Variants in BTNL2 observed in about 807,000 individuals in gnomAD.
The protein encoded by BTNL2 is butyrophilin-like protein 2.
A neutral mutation model predicts 46.8 loss-of-function variants in BTNL2; 46 were observed. The ratio of observed to expected loss-of-function variants is 0.98; its 90% CI spans 0.78 to 1.26. The LOEUF (loss-of-function observed/expected upper bound fraction) is 1.26, where lower values mean the gene tolerates loss of function less well. Among genes scored for constraint, BTNL2 ranks in the 50% most tolerant of loss-of-function variants. The probability of loss-of-function intolerance (pLI) is 0.00; values close to 1 mark genes in which losing one functional copy is unlikely to be tolerated. For synonymous variants in BTNL2, 226 were observed against 229.1 expected (o/e 0.99, Z 0.12); for missense variants, 461 against 592.6 (o/e 0.78, Z 2.31).
intron 1 of BTNL2, 100 bp downstream of exon 1, chr6:32,406,945 G>A (rs1014190218): frequency 1.3e-5 from 14 of 1,093,072 alleles, no homozygotes; most frequent in Non-Finnish European, 1.9e-5. Flanking sequence ...CAGGTGGCTT[G>A]GCCCCAGACT....
chr6:32,395,089 A>C, intron 5 of BTNL2, 64 bp from the exon 6 acceptor site: 27 of 1,479,772 alleles, frequency 1.8e-5, no homozygotes, highest in Non-Finnish European at 2.3e-5. Context: ...CAGCAATTTC[A>C]CTGGGAGGAA....
At position 32,404,994 on chromosome 6, in the gene BTNL2, GCA is replaced by G; in HGVS notation, c.370_371del (p.Cys124ProfsTer25). On this transcript the variant is annotated frameshift_variant, in exon 2 of 8. Transcript: ENST00000454136. LOFTEE classifies it high-confidence loss of function. ...CACAGTAGTTCCCATCCTGGAAATGGCACCAGTATTGTCCATTGTCGGAGGGC... is the reference window on the plus strand; with the variant it reads ...CACAGTAGTTCCCATCCTGGAAATGGCCAGTATTGTCCATTGTCGGAGGGC... ...IQPSDNGQYW[C>X]HFQDGNYCGE... is the part of the protein sequence containing the mutation. 6.2e-7 allele frequency: 1 copy of G among 1,613,042 alleles called. No individual in the cohort carries two copies. The highest frequency in any genetic ancestry group is 1.3e-5 in the African/African-American group (1 of 75,030).
At position 32,407,174 on chromosome 6, in the gene BTNL2, A is replaced by G. The variant is rs747243102; in HGVS notation, c.-51T>C. 6.9e-7 allele frequency: 1 copy of G among 1,444,216 alleles called. No homozygotes were observed. The highest frequency in any genetic ancestry group is 9.7e-7 in the Non-Finnish European group (1 of 1,027,230). 89.5% of individuals were successfully genotyped at this position (1,444,216 alleles called of 1,614,324 possible). ...CGCTGTGCCTAAGTGAGGCTGTGACACACCCGGCACACTCCATGGCTTCCA... is the reference window on the plus strand; with the variant it reads ...CGCTGTGCCTAAGTGAGGCTGTGACGCACCCGGCACACTCCATGGCTTCCA... On this transcript the variant is annotated 5_prime_UTR_variant, in exon 1 of 8. Coordinates refer to ENST00000454136, the MANE Select transcript of BTNL2 (RefSeq NM_001304561.2).
At chr6:32,397,360 T>C (rs117300548) in intron 4 of BTNL2, among the ~76,000 whole-genome samples, 1,849 of 152,298 alleles carry the variant, frequency 0.012, 67 homozygotes, top group East Asian at 0.11. Flanking sequence ...CTGCAACCAA[T>C]AGAGCTGTCT....
rs763292692 is a variant in BTNL2, at chr6:32,396,205, C to T, written c.912G>A (p.Gln304=). 1.9e-6 allele frequency: 3 copies of T among 1,612,998 alleles called. No individual in the cohort carries two copies. The African/African-American group carries it at 4.0e-5, about 22-fold the overall frequency. Residue 304 remains glutamine, a synonymous_variant, in exon 5 of 8, where the codon CAG becomes CAA. Coordinates refer to ENST00000454136, the MANE Select transcript of BTNL2 (RefSeq NM_001304561.2). The surrounding 1 kb of genome is among the most constrained non-coding windows in gnomAD (Gnocchi z 4.4). ...CAGTCCTCCCTCTGTACTCTGCCATCTGCTCTCCAGCCACATGGTCCCCAT... is the reference window on the plus strand; with the variant it reads ...CAGTCCTCCCTCTGTACTCTGCCATTTGCTCTCCAGCCACATGGTCCCCAT... ...YMDGDHVAGE[Q]MAEYRGRTVL... is the part of the protein sequence containing the mutation.
In BTNL2 at chr6:32,403,198, C is replaced by G. The variant is rs60263670; in HGVS notation, c.446G>C (p.Ser149Thr). ...LKVAGLGSAP[S>T]IHMEGPGESG... is the part of the protein sequence containing the mutation. ...CTCCCCAGGTCCCTCCATGTGGATGCTAGGGGCAGACCCCAGACCTGCAGA... is the reference window on the plus strand; with the variant it reads ...CTCCCCAGGTCCCTCCATGTGGATGGTAGGGGCAGACCCCAGACCTGCAGA... Residue 149 changes from serine (S) to threonine (T), a missense_variant, in exon 3 of 8, where the codon AGC becomes ACC. Ser to Thr is a moderately conservative substitution (Grantham distance 58, BLOSUM62 1). Transcript: ENST00000454136. 6.2e-7 allele frequency: 1 copy of G among 1,604,448 alleles called. No homozygotes were observed. The highest frequency in any genetic ancestry group is 8.5e-7 in the Non-Finnish European group (1 of 1,174,772).
chr6:32,403,106 T>A lies in BTNL2; in HGVS notation c.538A>T (p.Ile180Phe), dbSNP rs777527157. 9 of 1,612,748 alleles carry A rather than the reference T, an allele frequency of 5.6e-6. No homozygotes were observed. In the Admixed American group the frequency reaches 1.3e-4, roughly 24 times the overall value. ...FPEPQVYWED[I>F]RGEKLLAVSE... ...ACGGCCAGCAGCTTCTCTCCCCGGA[T>A]GTCTTCCCAATACACCTGGGGCTCT... Residue 180 changes from isoleucine to phenylalanine, a missense_variant, in exon 3 of 8, where the codon ATC becomes TTC. Ile to Phe is a conservative substitution (Grantham distance 21). Coordinates refer to ENST00000454136, the MANE Select transcript of BTNL2 (RefSeq NM_001304561.2).
At position 32,405,139 on chromosome 6, in the gene BTNL2, A is replaced by G; in HGVS notation, c.227T>C (p.Val76Ala). 6.2e-7 allele frequency: 1 copy of G among 1,612,998 alleles called. No individual in the cohort carries two copies. Among genetic ancestry groups the G allele is most frequent in the Non-Finnish European group, 8.5e-7 (1 of 1,180,010 alleles). Reference protein sequence around the residue: ...YRSEPSTPVFVHRDGVEVTEM... With the variant: ...YRSEPSTPVFAHRDGVEVTEM... The stretch of plus-strand genomic sequence containing the variant: ...AGTCACCTCCACTCCATCCCTGTGC[A>G]CAAACACAGGTGTGCTGGGCTCTGA... Residue 76 changes from valine to alanine, a missense_variant, in exon 2 of 8, where the codon GTG becomes GCG. By Grantham distance (64) the Val-to-Ala change is moderately conservative. Transcript: ENST00000454136.
rs1461882577 is a variant in BTNL2, at chr6:32,404,947, T to G, written c.419A>C (p.Lys140Thr). Reference sequence around the variant, plus strand: ...TTTCCCCAGATATTCACCTGCTACTTTGAGCAGCAAGCTTGTTTCTCCACA... The same window carrying G: ...TTTCCCCAGATATTCACCTGCTACTGTGAGCAGCAAGCTTGTTTCTCCACA... The part of the protein sequence containing the change: ...NYCGETSLLL[K>T]VAGLGSAPSI... Residue 140 changes from lysine (K) to threonine (T), a missense_variant, in exon 2 of 8, where the codon AAA (lysine) becomes ACA (threonine). Transcript: ENST00000454136. 6.2e-7 allele frequency: 1 copy of G among 1,612,522 alleles called. No individual in the cohort carries two copies. The highest frequency in any genetic ancestry group is 1.1e-5 in the South Asian group (1 of 91,072).
At chr6:32,395,796 T>C (rs1776410792) in intron 5 of BTNL2, among the ~76,000 whole-genome samples, 2 of 152,224 alleles carry the variant, frequency 1.3e-5, no homozygotes, top group African/African-American at 4.8e-5. Context: ...CTTAAAGATA[T>C]GGTCAATTTT....
chr6:32,400,578 G>A (rs117378124), intron 4 of BTNL2, among the ~76,000 whole-genome samples: 1,823 of 151,906 alleles, frequency 0.012, 60 homozygotes, highest in East Asian at 0.1. Context: ...CTCAGGTGCA[G>A]CAAAATAATA....
intron 2 of BTNL2, 92 bp downstream of exon 2, chr6:32,404,847 A>T: frequency 1.6e-6 from 2 of 1,228,338 alleles, no homozygotes; most frequent in Admixed American, 1.8e-5. Context: ...TACCTTGATG[A>T]TTCAAAAGGA....
chr6:32,406,210 G>A (rs1349182473), intron 1 of BTNL2: 1 of 152,290 alleles, frequency 6.6e-6, no homozygotes, highest in African/African-American at 2.4e-5. Context: ...CCTAAGTGGA[G>A]ATCTGCTTGT....
At chr6:32,397,244 C>T (rs1776505693) in intron 4 of BTNL2, among the ~76,000 whole-genome samples, 1 of 152,204 alleles carries the variant, frequency 6.6e-6, no homozygotes, top group South Asian at 2.1e-4. Context: ...CTAAGGCTAA[C>T]TTAGGAGTAC....
At position 32,393,616 on chromosome 6, in the gene BTNL2, A is replaced by T. The variant is rs986136677; in HGVS notation, c.*7-227T>A. On this transcript the variant is annotated intron_variant, in intron 7 of 7. Coordinates refer to ENST00000454136, the MANE Select transcript of BTNL2 (RefSeq NM_001304561.2). This position sits in a 1 kb window ranked among gnomAD's most constrained non-coding sequence, Gnocchi z 4.8. Reference sequence around the variant, plus strand: ...AGATCATAGGAAATTGTTCACGCCAACAAATCTCAGTGAACCTCAGCTCTC... The same window carrying T: ...AGATCATAGGAAATTGTTCACGCCATCAAATCTCAGTGAACCTCAGCTCTC... 7 of 172,014 alleles carry T rather than the reference A, an allele frequency of 4.1e-5. No individual in the cohort carries two copies. The East Asian group carries it at 9.4e-4, about 23-fold the overall frequency. The allele number at this position is 172,014 out of a possible 1,614,324, so 10.7% of individuals were successfully genotyped here.
At chr6:32,395,049 G>A (rs1218984081) in intron 5 of BTNL2, 24 bp from the exon 6 acceptor site, 1 of 1,537,058 alleles carries the variant, frequency 6.5e-7, no homozygotes, top group African/African-American at 1.4e-5. Context: ...AGCAACCAAA[G>A]CCTGGGGTCC....
rs1394130414 is a variant in BTNL2, at chr6:32,403,214, G to C, written c.430C>G (p.Leu144Val). Residue 144 changes from leucine (L) to valine (V), a missense_variant and splice_region_variant, in exon 3 of 8, where the codon CTG (leucine) becomes GTG (valine). Coordinates refer to ENST00000454136, the MANE Select transcript of BTNL2 (RefSeq NM_001304561.2). The part of the protein sequence containing the change: ...ETSLLLKVAG[L>V]GSAPSIHMEG... ...ATGTGGATGCTAGGGGCAGACCCCA[G>C]ACCTGCAGAGGGAAGCCACAGCTCT... 8 of 1,601,668 alleles carry C rather than the reference G, an allele frequency of 5.0e-6. No homozygotes were observed. The highest frequency in any genetic ancestry group is 6.8e-6 in the Non-Finnish European group (8 of 1,173,890).
chr6:32,402,780 G>A (rs2150319030), intron 3 of BTNL2, among the ~76,000 whole-genome samples, 155 bp downstream of exon 3: 1 of 152,340 alleles, frequency 6.6e-6, no homozygotes, highest in Middle Eastern at 3.4e-3. Context: ...AAAATGTAGT[G>A]CGTATATTTC....
Position 32,394,617 on chromosome 6 carries a change from T to C in BTNL2, c.1360+127A>G. On this transcript the variant is annotated intron_variant, in intron 6 of 7. Transcript: ENST00000454136. This position sits in a 1 kb window ranked among gnomAD's most constrained non-coding sequence, Gnocchi z 4.6. ...TCCTGAAAACCAGCTTTGCAGAGGA[T>C]AGCAGGAGACCTCGTCAGAGATCAG... The C allele has an allele frequency of 8.8e-7, 1 of 1,139,916 alleles. No individual in the cohort carries two copies. Among genetic ancestry groups the C allele is most frequent in the Non-Finnish European group, 1.2e-6 (1 of 811,858 alleles). 70.6% of individuals were successfully genotyped at this position (1,139,916 alleles called of 1,614,324 possible).
Sources: allele counts gnomAD v4.1 joint callset (sites outside exome capture counted in the v4.1 genomes callset), GRCh38; gene constraint gnomAD v4.1.1; non-coding constraint Gnocchi (gnomAD v3.1); transcripts MANE v1.5; gene names NCBI Gene and HGNC (gene_info 2026-07-23, HGNC 2026-07-21).